IGF1R: variants seen among roughly 807,000 people sequenced by gnomAD.
IGF1R encodes insulin like growth factor 1 receptor.
In IGF1R, 44 loss-of-function variants were observed where a neutral mutation model predicts 144.6. That is an observed-to-expected ratio of 0.30 (90% CI 0.24 to 0.39). The LOEUF (loss-of-function observed/expected upper bound fraction) is 0.39. Among genes scored for constraint, IGF1R ranks in the 10% least tolerant of loss-of-function variants. The pLI is 1.00. For missense variants in IGF1R, 1,355 were observed against 1,833.7 expected (o/e 0.74, Z 4.77); for synonymous variants, 795 against 722.8 (o/e 1.10, Z -1.60).
chr15:98,907,773 C>A (rs912904138), intron 5 of IGF1R, among the ~76,000 whole-genome samples: 2 of 152,220 alleles, frequency 1.3e-5, no homozygotes, highest in African/African-American at 2.4e-5. Context: ...CTGGTTGGAT[C>A]TGCTACTCGT....
At chr15:98,837,523 C>T (rs1437961132) in intron 2 of IGF1R, among the ~76,000 whole-genome samples, 3 of 152,128 alleles carry the variant, frequency 2.0e-5, no homozygotes, top group Non-Finnish European at 4.4e-5. Flanking sequence ...AGCTACCATG[C>T]CTGGCCTTCA....
intron 2 of IGF1R, among the ~76,000 whole-genome samples, chr15:98,764,431 A>T (rs143631878): frequency 1.4e-3 from 213 of 152,344 alleles, no homozygotes; most frequent in Non-Finnish European, 2.6e-3. Context: ...AACCTTCCTG[A>T]GTAACACACA....
rs56400113 is a variant in IGF1R at position 98,924,602 on chromosome 15, C to T, written c.2700C>T (p.Asn900=). ...GAKLNRLNPG[N]YTARIQATSL... The stretch of plus-strand genomic sequence containing the variant: ...AGCTAAACCGGCTAAACCCGGGGAA[C>T]TACACAGCCCGGATTCAGGCCACAT... Residue 900 remains asparagine, a synonymous_variant, in exon 13 of 21, where the codon AAC becomes AAT. Coordinates refer to ENST00000650285, the MANE Select transcript of IGF1R (RefSeq NM_000875.5). 10,679 of 1,614,036 alleles carry T rather than the reference C, an allele frequency of 6.6e-3. 90 individuals are homozygous for T. The highest frequency in any genetic ancestry group is 6.4e-3 in the Non-Finnish European group (7,585 of 1,179,892).
In IGF1R at chr15:98,750,286, G is replaced by C. The variant is rs897729311; in HGVS notation, c.640+42179G>C. 2.6e-5 allele frequency among the ~76,000 whole-genome samples: 4 copies of C among 152,258 alleles called. No homozygotes were observed. The East Asian group carries it at 5.8e-4, about 22-fold the overall frequency. Reference sequence around the variant, plus strand: ...CCTGGGCAGTTTTGCGCTTCTCCCTGTTTCCCTGTGCCCTGAGACTTTGTG... The same window carrying C: ...CCTGGGCAGTTTTGCGCTTCTCCCTCTTTCCCTGTGCCCTGAGACTTTGTG... On this transcript the variant is annotated intron_variant, in intron 2 of 20. Transcript: ENST00000650285.
intron 2 of IGF1R, among the ~76,000 whole-genome samples, chr15:98,712,779 T>C (rs941701971): frequency 6.6e-6 from 1 of 151,472 alleles, no homozygotes; most frequent in African/African-American, 2.4e-5. Flanking sequence ...CCAGCTAATT[T>C]TTGTATTTTT....
At chr15:98,804,779 C>G (rs1450188021) in intron 2 of IGF1R, among the ~76,000 whole-genome samples, 1 of 152,188 alleles carries the variant, frequency 6.6e-6, no homozygotes, top group South Asian at 2.1e-4. Flanking sequence ...CTCACTGCAA[C>G]CTCCACATCC....
intron 2 of IGF1R, among the ~76,000 whole-genome samples, chr15:98,795,668 G>A (rs776035492): frequency 6.6e-6 from 1 of 152,100 alleles, no homozygotes; most frequent in Admixed American, 6.5e-5. Context: ...CACCTGTCTC[G>A]GCCTCCCAAC....
chr15:98,683,640 G>A (rs1234788024), intron 1 of IGF1R, among the ~76,000 whole-genome samples: 2 of 152,110 alleles, frequency 1.3e-5, no homozygotes, highest in Non-Finnish European at 1.5e-5. Context: ...CAATCAAGTC[G>A]GTATCCTCTT....
Position 98,707,725 on chromosome 15 carries a change from G to A in IGF1R, c.258G>A (p.Leu86=), listed in dbSNP as rs1192662477. The change falls in exon 2 of 21, where the codon CTG becomes CTA. Residue 86 remains leucine (L), a synonymous_variant. Transcript: ENST00000650285. This position sits in a 1 kb window ranked among gnomAD's most constrained non-coding sequence, Gnocchi z 6.7. ...TCACGGTCATTACCGAGTACTTGCT[G>A]CTGTTCCGAGTGGCTGGCCTCGAGA... ...PKLTVITEYL[L]LFRVAGLESL... is the part of the protein sequence containing the mutation. 6.2e-7 allele frequency: 1 copy of A among 1,614,124 alleles called. No individual in the cohort carries two copies. The highest frequency in any genetic ancestry group is 2.2e-5 in the East Asian group (1 of 44,874).
At chr15:98,693,501 C>T (rs1271563694) in intron 1 of IGF1R, among the ~76,000 whole-genome samples, 2 of 152,164 alleles carry the variant, frequency 1.3e-5, no homozygotes, top group African/African-American at 2.4e-5. Context: ...TTGGTGGGTG[C>T]CTGGGGTTTT....
intron 1 of IGF1R, among the ~76,000 whole-genome samples, chr15:98,667,012 G>A (rs192510374): frequency 4.6e-5 from 7 of 151,994 alleles, no homozygotes; most frequent in African/African-American, 7.2e-5. Context: ...TGTCCATGGC[G>A]GTCCTAGGTA....
chr15:98,772,690 T>C (rs915500347), intron 2 of IGF1R, among the ~76,000 whole-genome samples: 1 of 151,542 alleles, frequency 6.6e-6, no homozygotes, highest in African/African-American at 2.4e-5. Context: ...TTTTTTACTT[T>C]TGAAGAGGTG....
At chr15:98,911,120 G>A (rs997937634) in intron 6 of IGF1R, among the ~76,000 whole-genome samples, 195 bp from the exon 7 acceptor site, 1 of 152,210 alleles carries the variant, frequency 6.6e-6, no homozygotes, top group Admixed American at 6.5e-5. Context: ...TAAAACAAAG[G>A]ATGGAGCCCT....
At position 98,691,387 on chromosome 15, in the gene IGF1R, CAG is replaced by C. The variant is rs578023377; in HGVS notation, c.95-16172_95-16171del. 5.2e-3 allele frequency among the ~76,000 whole-genome samples: 734 copies of C among 142,468 alleles called. 4 individuals carry two copies. The highest frequency in any genetic ancestry group is 0.027 in the Middle Eastern group (7 of 264). The allele number at this position is 142,468 out of a possible 152,430, so 93.5% of individuals were successfully genotyped here. On this transcript the variant is annotated intron_variant, in intron 1 of 20. Transcript: ENST00000650285. Reference sequence around the variant, plus strand: ...TTTTTGTTTTTTTTTTTTTTTGAGACAGAGTCTCACTCGTCTCCCAAGCTGGA... The same window carrying C: ...TTTTTGTTTTTTTTTTTTTTTGAGACAGTCTCACTCGTCTCCCAAGCTGGA...
chr15:98,947,712 A>G (rs1206259843), intron 19 of IGF1R, among the ~76,000 whole-genome samples: 1 of 152,174 alleles, frequency 6.6e-6, no homozygotes, highest in Non-Finnish European at 1.5e-5. Flanking sequence ...CTGCATGCAT[A>G]TGGCAGAATT....
chr15:98,714,805 C>T (rs1028584465), intron 2 of IGF1R, among the ~76,000 whole-genome samples: 4 of 152,154 alleles, frequency 2.6e-5, no homozygotes, highest in Non-Finnish European at 5.9e-5. Context: ...TGCAGTATTT[C>T]ATCTTAACAT....
chr15:98,897,015 C>A, intron 4 of IGF1R, 110 bp downstream of exon 4: 2 of 1,010,838 alleles, frequency 2.0e-6, no homozygotes, highest in Non-Finnish European at 3.1e-6. Flanking sequence ...CTTAGATAAA[C>A]AACATGGTGT....
intron 1 of IGF1R, among the ~76,000 whole-genome samples, chr15:98,702,905 C>T (rs980059064): frequency 2.0e-5 from 3 of 152,118 alleles, no homozygotes; most frequent in African/African-American, 7.2e-5. Context: ...CTGCAGCACT[C>T]TAGCCTGGGT....
chr15:98,724,532 A>G (rs1443322806), intron 2 of IGF1R, among the ~76,000 whole-genome samples: 1 of 152,232 alleles, frequency 6.6e-6, no homozygotes, highest in African/African-American at 2.4e-5. Context: ...TCTGGCCCAC[A>G]GTGCCATTTT....
Sources: allele counts gnomAD v4.1 joint callset (sites outside exome capture counted in the v4.1 genomes callset), GRCh38; gene constraint gnomAD v4.1.1; non-coding constraint Gnocchi (gnomAD v3.1); transcripts MANE v1.5; gene names NCBI Gene and HGNC (gene_info 2026-07-23, HGNC 2026-07-21).